NUBPL: variants seen among roughly 807,000 people sequenced by gnomAD.
NUBPL encodes iron-sulfur cluster transfer protein NUBPL.
In NUBPL, 31 loss-of-function variants were observed where a neutral mutation model predicts 45.7. That is an observed-to-expected ratio of 0.68 (90% CI 0.51 to 0.92). The LOEUF is 0.92. Among genes scored for constraint, NUBPL ranks in the 40% least tolerant of loss-of-function variants. The probability of loss-of-function intolerance (pLI) is 0.00; values close to 1 mark genes in which losing one functional copy is unlikely to be tolerated. For missense variants in NUBPL, 401 were observed against 398.7 expected (o/e 1.01, Z -0.05); for synonymous variants, 144 against 140.9 (o/e 1.02, Z -0.15).
intron 8 of NUBPL, among the ~76,000 whole-genome samples, chr14:31,838,244 C>A (rs556671225): frequency 1.6e-5 from 2 of 128,560 alleles, no homozygotes; most frequent in Non-Finnish European, 3.1e-5. Context: ...GCTTCTTTAA[C>A]GTATTAAGTT....
intron 6 of NUBPL, among the ~76,000 whole-genome samples, chr14:31,785,048 T>C (rs989500981): frequency 1.3e-5 from 2 of 152,130 alleles, no homozygotes; most frequent in Admixed American, 6.6e-5. Flanking sequence ...TATTCAGGAG[T>C]CTGACCACCC....
At chr14:31,683,281 T>C (rs2036875548) in intron 6 of NUBPL, among the ~76,000 whole-genome samples, 1 of 151,552 alleles carries the variant, frequency 6.6e-6, no homozygotes, top group East Asian at 1.9e-4. Flanking sequence ...TAACTATACA[T>C]CCATTATAAA....
chr14:31,615,713 G>T (rs111672750), intron 4 of NUBPL, among the ~76,000 whole-genome samples: 151,655 of 152,330 alleles, frequency 1, 75,495 homozygotes, highest in Middle Eastern at 1. Flanking sequence ...GCATTTGGGT[G>T]GGTTCCAAGT....
chr14:31,725,619 C>T (rs1220094781), intron 6 of NUBPL, among the ~76,000 whole-genome samples: 1 of 151,804 alleles, frequency 6.6e-6, no homozygotes, highest in African/African-American at 2.4e-5. Flanking sequence ...GACTGCACCC[C>T]ATCACATGAA....
chr14:31,626,605 T>C (rs973288112), intron 4 of NUBPL, among the ~76,000 whole-genome samples: 5 of 152,328 alleles, frequency 3.3e-5, no homozygotes, highest in African/African-American at 1.2e-4. Flanking sequence ...ATATGTAAGA[T>C]GGTCCTAGAG....
At chr14:31,623,431 G>C (rs1382822968) in intron 4 of NUBPL, among the ~76,000 whole-genome samples, 1 of 152,156 alleles carries the variant, frequency 6.6e-6, no homozygotes. Flanking sequence ...CATAAGATTT[G>C]GGTGGGGCTG....
intron 6 of NUBPL, among the ~76,000 whole-genome samples, chr14:31,701,515 G>A (rs1298296235): frequency 2.6e-5 from 4 of 152,202 alleles, no homozygotes; most frequent in South Asian, 2.1e-4. Context: ...TTCGCTCTTC[G>A]CAATAAATCT....
chr14:31,707,215 C>T (rs1381968272), intron 6 of NUBPL, among the ~76,000 whole-genome samples: 1 of 152,226 alleles, frequency 6.6e-6, no homozygotes, highest in Non-Finnish European at 1.5e-5. Flanking sequence ...GATAGGAAGG[C>T]TACGGATTGT....
intron 6 of NUBPL, among the ~76,000 whole-genome samples, chr14:31,727,841 T>C (rs181753928): frequency 1.3e-5 from 2 of 152,340 alleles, no homozygotes; most frequent in Non-Finnish European, 2.9e-5. Flanking sequence ...CATCACACTT[T>C]GTTTGTAACA....
At chr14:31,574,785 T>C (rs917393689) in intron 3 of NUBPL, among the ~76,000 whole-genome samples, 5 of 151,720 alleles carry the variant, frequency 3.3e-5, no homozygotes, top group African/African-American at 4.8e-5. Flanking sequence ...TTCACCATCT[T>C]GGCCAGGCTG....
At chr14:31,576,504 T>C (rs939631059) in intron 3 of NUBPL, among the ~76,000 whole-genome samples, 3 of 152,148 alleles carry the variant, frequency 2.0e-5, no homozygotes, top group African/African-American at 7.2e-5. Context: ...TAAGTCGTCT[T>C]CCTCCTTTAG....
At chr14:31,785,101 C>T (rs555512313) in intron 6 of NUBPL, among the ~76,000 whole-genome samples, 1 of 152,286 alleles carries the variant, frequency 6.6e-6, no homozygotes, top group East Asian at 1.9e-4. Context: ...TTTCTCCTTA[C>T]TCTACACCGT....
chr14:31,596,887 T>G (rs982508628), intron 3 of NUBPL, among the ~76,000 whole-genome samples: 1 of 152,184 alleles, frequency 6.6e-6, no homozygotes, highest in Non-Finnish European at 1.5e-5. Flanking sequence ...AACTGCCCAG[T>G]ACCCAGAAGG....
intron 6 of NUBPL, among the ~76,000 whole-genome samples, chr14:31,747,590 T>G (rs1420138825): frequency 6.6e-6 from 1 of 152,206 alleles, no homozygotes; most frequent in African/African-American, 2.4e-5. Context: ...GTTTTCCAAT[T>G]TTTTGGCATA....
At chr14:31,775,978 A>T (rs1034822679) in intron 6 of NUBPL, among the ~76,000 whole-genome samples, 4 of 152,240 alleles carry the variant, frequency 2.6e-5, no homozygotes, top group Admixed American at 2.0e-4. Flanking sequence ...ACATTTCTAT[A>T]TAAGCATTTC....
intron 8 of NUBPL, among the ~76,000 whole-genome samples, chr14:31,829,329 A>G (rs2040153925): frequency 6.6e-6 from 1 of 151,886 alleles, no homozygotes; most frequent in Non-Finnish European, 1.5e-5. Flanking sequence ...TTTAAAAGAG[A>G]TAGAAGGTCT....
intron 7 of NUBPL, 47 bp from the exon 8 acceptor site, chr14:31,826,582 T>A (rs780024082): frequency 6.5e-7 from 1 of 1,533,564 alleles, no homozygotes; most frequent in African/African-American, 1.4e-5. Flanking sequence ...AAGTAATTTC[T>A]CCATAGAGAA....
chr14:31,783,196 C>T lies in NUBPL; in HGVS notation c.514-4584C>T, dbSNP rs559001110. 1.8e-4 allele frequency among the ~76,000 whole-genome samples: 28 copies of T among 152,272 alleles called. 1 individual carries two copies. Among genetic ancestry groups the T allele is most frequent in the African/African-American group, 5.3e-4 (22 of 41,544 alleles). ...GTAATGAGGTGTGATCTTATTATAT[C>T]TTGCAACGAGGTGATGCCAGGAAGC... On this transcript the variant is annotated intron_variant, in intron 6 of 10. Coordinates refer to ENST00000281081, the MANE Select transcript of NUBPL (RefSeq NM_025152.3).
chr14:31,840,616 C>T (rs999731052), intron 8 of NUBPL, among the ~76,000 whole-genome samples: 1 of 149,144 alleles, frequency 6.7e-6, no homozygotes, highest in Non-Finnish European at 1.5e-5. Context: ...CCTGTAATAA[C>T]ATGGATGAAC....
Sources: gnomAD v4.1 joint callset for allele counts (sites outside exome capture counted in the v4.1 genomes callset) on GRCh38, gnomAD v4.1.1 for gene constraint, MANE v1.5 for transcripts, NCBI Gene and HGNC (gene_info 2026-07-23, HGNC 2026-07-21) for gene names.